Variants in STARD13 observed in about 807,000 individuals in gnomAD.
The protein encoded by STARD13 is stAR-related lipid transfer protein 13.
In STARD13, 62 loss-of-function variants were observed where a neutral mutation model predicts 106.4. The observed-to-expected ratio is 0.58, with a 90% CI of 0.48 to 0.72. The LOEUF is 0.72. STARD13 is among the 30% of genes least tolerant of loss of function. The pLI is 0.00. For missense variants in STARD13, 1,387 were observed against 1,424.0 expected, an observed-to-expected ratio of 0.97 and a Z score of 0.42; for synonymous variants, 565 against 553.0, an observed-to-expected ratio of 1.02 and a Z score of -0.31.
At position 33,228,092 on chromosome 13, in the gene STARD13, A is replaced by T. The variant is rs183523879; in HGVS notation, c.169+57378T>A. 2.0e-5 allele frequency among the ~76,000 whole-genome samples: 3 copies of T among 152,306 alleles called. No individual in the cohort carries two copies. The East Asian group carries it at 5.8e-4, about 29-fold the overall frequency. On this transcript the variant is annotated intron_variant, in intron 1 of 13. Coordinates refer to ENST00000336934, the MANE Select transcript of STARD13 (RefSeq NM_178006.4). Reference sequence around the variant, plus strand: ...TTGTAAGGACATGAAGAATTTTGCCAGGTGGGGAAGTGGTGGAAGGGAGGA... The same window carrying T: ...TTGTAAGGACATGAAGAATTTTGCCTGGTGGGGAAGTGGTGGAAGGGAGGA...
At chr13:33,177,132 C>T (rs1189086345) in intron 1 of STARD13, among the ~76,000 whole-genome samples, 1 of 152,170 alleles carries the variant, frequency 6.6e-6, no homozygotes, top group Non-Finnish European at 1.5e-5. Flanking sequence ...CCCTGGCTAG[C>T]TTTGAGGAAT....
At position 33,139,626 on chromosome 13, in the gene STARD13, G is replaced by C. The variant is rs375533933; in HGVS notation, c.387+2684C>G. Among the ~76,000 whole-genome samples the C allele has an allele frequency of 1.1e-3, 169 of 152,286 alleles. 1 individual carries two copies. The highest frequency in any genetic ancestry group is 3.8e-3 in the African/African-American group (156 of 41,562). ...TGGGGACTTACCTAGAGGAAATCCC[G>C]CTGCCTTATTTTTCTTCCAAATAAA... On this transcript the variant is annotated intron_variant, in intron 4 of 13. Coordinates refer to ENST00000336934, the MANE Select transcript of STARD13 (RefSeq NM_178006.4).
chr13:33,576,683 C>T, the STARD13 span, among the ~76,000 whole-genome samples: 1 of 152,074 alleles, frequency 6.6e-6, no homozygotes, highest in Non-Finnish European at 1.5e-5. Flanking sequence ...TTCTCAGTTA[C>T]AAAATTTGAG....
At chr13:33,348,272 T>C (rs2078037528), downstream of STARD13, among the ~76,000 whole-genome samples, 1 of 152,264 alleles carries the variant, frequency 6.6e-6, no homozygotes, top group South Asian at 2.1e-4. Context: ...TAGCTTTCTA[T>C]ATATTCACGA....
the STARD13 span, among the ~76,000 whole-genome samples, chr13:33,458,721 G>A: frequency 6.6e-6 from 1 of 151,760 alleles, no homozygotes; most frequent in African/African-American, 2.4e-5. Context: ...TTACAAAAGG[G>A]CATCTTCTTG....
chr13:33,133,361 G>A (rs1878590334), intron 4 of STARD13, among the ~76,000 whole-genome samples: 1 of 151,982 alleles, frequency 6.6e-6, no homozygotes, highest in African/African-American at 2.4e-5. Flanking sequence ...GCAAACTCCT[G>A]GGAAAAAAGG....
the STARD13 span, among the ~76,000 whole-genome samples, chr13:33,590,583 G>A: frequency 6.6e-6 from 1 of 151,482 alleles, no homozygotes; most frequent in Non-Finnish European, 1.5e-5. Context: ...ATCATTCTCA[G>A]CAAACTATCG....
chr13:33,402,893 C>A, the STARD13 span, among the ~76,000 whole-genome samples: 16 of 152,222 alleles, frequency 1.1e-4, no homozygotes, highest in African/African-American at 3.6e-4. Flanking sequence ...GAGCCACTTC[C>A]ACCACTCAAT....
chr13:33,592,759 A>G, the STARD13 span, among the ~76,000 whole-genome samples: 1 of 151,518 alleles, frequency 6.6e-6, no homozygotes, highest in Admixed American at 6.6e-5. Context: ...AATTTGAGTA[A>G]CTTAATGAGT....
chr13:33,655,876 G>T, the STARD13 span, among the ~76,000 whole-genome samples: 3 of 152,154 alleles, frequency 2.0e-5, no homozygotes, highest in Admixed American at 6.5e-5. Flanking sequence ...GGGAAATACT[G>T]CAGCTGACCC....
the STARD13 span, among the ~76,000 whole-genome samples, chr13:33,418,167 G>C: frequency 7.2e-5 from 11 of 152,156 alleles, no homozygotes; most frequent in African/African-American, 2.7e-4. Context: ...AGGGGTCAGG[G>C]GATTTCCCTT....
At chr13:33,287,782 C>A (rs1252256202), upstream of STARD13, among the ~76,000 whole-genome samples, 1 of 151,958 alleles carries the variant, frequency 6.6e-6, no homozygotes, top group East Asian at 1.9e-4. Context: ...TTGTTCAAGG[C>A]AGACACTTGG....
intron 1 of STARD13, chr13:33,180,258 C>T (rs1389493384): frequency 6.6e-6 from 1 of 152,166 alleles, no homozygotes; most frequent in African/African-American, 2.4e-5. Flanking sequence ...AGAGCCTTCT[C>T]CTAAGAGGCT....
the STARD13 span, among the ~76,000 whole-genome samples, chr13:33,463,966 G>A: frequency 6.0e-5 from 9 of 150,164 alleles, no homozygotes; most frequent in East Asian, 3.9e-4. Context: ...AGCAGAGATC[G>A]TGCCATTGCA....
chr13:33,645,595 C>G, the STARD13 span, among the ~76,000 whole-genome samples: 2 of 152,168 alleles, frequency 1.3e-5, no homozygotes, highest in African/African-American at 4.8e-5. Context: ...CATAACCAAC[C>G]TATAGTAGAA....
At chr13:33,538,912 G>C in the STARD13 span, among the ~76,000 whole-genome samples, 1 of 151,998 alleles carries the variant, frequency 6.6e-6, no homozygotes, top group African/African-American at 2.4e-5. Flanking sequence ...TGGGACTACA[G>C]GTGCCTGCCA....
chr13:33,185,835 G>T (rs759921141), intron 1 of STARD13: 5 of 1,603,664 alleles, frequency 3.1e-6, no homozygotes, highest in Non-Finnish European at 3.4e-6. Flanking sequence ...GTTCACAAAG[G>T]TCTATCCTTT....
At chr13:33,200,761 C>G (rs1451493178) in intron 1 of STARD13, among the ~76,000 whole-genome samples, 3 of 152,160 alleles carry the variant, frequency 2.0e-5, no homozygotes, top group Admixed American at 6.5e-5. Context: ...GTGGCTCACG[C>G]CTGTAATCCC....
the STARD13 span, among the ~76,000 whole-genome samples, chr13:33,601,466 A>G: frequency 0.016 from 2,416 of 152,172 alleles, 77 homozygotes; most frequent in African/African-American, 0.055. Flanking sequence ...GGGGATAGGA[A>G]AGGGTGGGAG....
Sources: gnomAD v4.1 joint callset for allele counts (sites outside exome capture counted in the v4.1 genomes callset) on GRCh38, gnomAD v4.1.1 for gene constraint, MANE v1.5 for transcripts, NCBI Gene and HGNC (gene_info 2026-07-23, HGNC 2026-07-21) for gene names.